COL18A1: variants seen among roughly 807,000 people sequenced by gnomAD.
COL18A1 encodes collagen alpha-1(XVIII) chain.
In COL18A1, 133 loss-of-function variants were observed where a neutral mutation model predicts 168.0. The observed-to-expected ratio is 0.79, with a 90% CI of 0.69 to 0.91. COL18A1 has a LOEUF of 0.91. Among genes scored for constraint, COL18A1 ranks in the 40% least tolerant of loss-of-function variants. The pLI is 0.00. For synonymous variants in COL18A1, 949 were observed against 809.0 expected, an observed-to-expected ratio of 1.17 and a Z score of -2.94; for missense variants, 2,126 against 1,925.4, an observed-to-expected ratio of 1.10 and a Z score of -1.95.
chr21:45,468,744 C>G lies in COL18A1; in HGVS notation c.609C>G (p.Leu203=). Residue 203 remains leucine (L), a synonymous_variant, in exon 3 of 42, where the codon CTC becomes CTG. Coordinates refer to ENST00000651438, the MANE Select transcript of COL18A1 (RefSeq NM_001379500.1). ...RGLELEPGAG[L]FVAQAGGADP... ...TGGAGCTGGAGCCTGGCGCCGGGCT[C>G]TTCGTGGCTCAGGCGGGGGGAGCGG... is the stretch of plus-strand genomic sequence containing the variant. The G allele has an allele frequency of 6.2e-7, 1 of 1,609,370 alleles. No homozygotes were observed. Among genetic ancestry groups the G allele is most frequent in the Non-Finnish European group, 8.5e-7 (1 of 1,179,754 alleles).
rs1491102714 is a variant in COL18A1 at position 45,496,079 on chromosome 21, CCA to C, written c.2509-420_2509-419del. On this transcript the variant is annotated intron_variant, in intron 29 of 41. Coordinates refer to ENST00000651438, the MANE Select transcript of COL18A1 (RefSeq NM_001379500.1). ...CATCCATGGGCCTGGGCCATGCCCT[CCA>C]TGCCCTCTATGCCCTCCATGCCCTC... 187 of 255,352 alleles carry C rather than the reference CCA, an allele frequency of 7.3e-4. 1 individual carries two copies. The highest frequency in any genetic ancestry group is 4.7e-3 in the African/African-American group (175 of 37,430). The allele number at this position is 255,352 out of a possible 1,614,324, so 15.8% of individuals were successfully genotyped here.
At chr21:45,501,808 A>C (rs544098674) in intron 32 of COL18A1, among the ~76,000 whole-genome samples, 2 of 54,886 alleles carry the variant, frequency 3.6e-5, no homozygotes, top group Non-Finnish European at 4.2e-5. Context: ...CTCTCTCTGC[A>C]GAAGGACCCC....
intron 36 of COL18A1, 139 bp from the exon 37 acceptor site, chr21:45,505,699 T>A: frequency 1.3e-6 from 1 of 743,914 alleles, no homozygotes; most frequent in Non-Finnish European, 2.3e-6. Flanking sequence ...ATGGTGCTCA[T>A]GGGGGCAGCC....
intron 2 of COL18A1, among the ~76,000 whole-genome samples, chr21:45,429,164 T>G (rs1392546950): frequency 6.6e-6 from 1 of 151,982 alleles, no homozygotes; most frequent in East Asian, 1.9e-4. Context: ...GCCTCCCAAA[T>G]TGTTGGGATT....
chr21:45,458,180 G>A (rs1260820335), intron 2 of COL18A1, among the ~76,000 whole-genome samples: 1 of 151,246 alleles, frequency 6.6e-6, no homozygotes, highest in Non-Finnish European at 1.5e-5. Flanking sequence ...CGCTGGGGGG[G>A]CCTGGTGTGT....
At chr21:45,456,037 G>A in intron 2 of COL18A1, 1 of 1,608,832 alleles carries the variant, frequency 6.2e-7, no homozygotes. Flanking sequence ...CCACTCTCTG[G>A]CCCAGCCGTG....
chr21:45,456,132 C>T, intron 2 of COL18A1: 2 of 1,583,806 alleles, frequency 1.3e-6, no homozygotes, highest in South Asian at 1.1e-5. Flanking sequence ...CTGGGCAGGC[C>T]CTGGGCACCA....
Position 45,490,378 on chromosome 21 carries a change from G to C in COL18A1, c.2031+32G>C, listed in dbSNP as rs774583104. 11 of 1,518,202 alleles carry C rather than the reference G, an allele frequency of 7.2e-6. No individual in the cohort carries two copies. In the South Asian group the frequency reaches 1.1e-4, roughly 15 times the overall value. The allele number at this position is 1,518,202 out of a possible 1,614,324, so 94.0% of individuals were successfully genotyped here. On this transcript the variant is annotated intron_variant, in intron 20 of 41. Transcript: ENST00000651438. ...TGCCTTGGTGGGCCCAGGGTGCAGG[G>C]GGGGCGTGGAGCCCTGAAGGGACTA...
chr21:45,469,263 C>T lies in COL18A1; in HGVS notation c.651+477C>T, dbSNP rs77103716. Among the ~76,000 whole-genome samples the T allele has an allele frequency of 3.6e-3, 546 of 152,364 alleles. 1 individual carries two copies. Among genetic ancestry groups the T allele is most frequent in the African/African-American group, 0.013 (529 of 41,584 alleles). On this transcript the variant is annotated intron_variant, in intron 3 of 41. Transcript: ENST00000651438. ...GGGACCGAGTCCAGGCCCAGCCACA[C>T]GCCTCGTGGCCCCATGCAGAATGAA...
intron 39 of COL18A1, 76 bp downstream of exon 39, chr21:45,509,677 G>GCAGAGCTGCTGGGGGTCC (rs1304105776): frequency 5.9e-6 from 5 of 850,030 alleles, no homozygotes; most frequent in Non-Finnish European, 9.6e-6. Flanking sequence ...CCCAGCCCCT[G>GCAGAGCTGCTGGGGGTCC]CAGAGCTGCT....
intron 2 of COL18A1, among the ~76,000 whole-genome samples, chr21:45,438,582 TG>T (rs2034284839): frequency 6.6e-6 from 1 of 152,142 alleles, no homozygotes; most frequent in African/African-American, 2.4e-5. Flanking sequence ...GCAGGGCTGG[TG>T]TTCAGGGCAG....
intron 14 of COL18A1, chr21:45,482,279 A>G (rs1183706392): frequency 7.7e-6 from 5 of 650,658 alleles, no homozygotes; most frequent in Non-Finnish European, 1.1e-5. Context: ...GAGATCTGAG[A>G]TCTTACTCCA....
At chr21:45,484,429 A>C (rs1305660135) in intron 15 of COL18A1, among the ~76,000 whole-genome samples, 1 of 117,248 alleles carries the variant, frequency 8.5e-6, no homozygotes, top group African/African-American at 3.5e-5. Flanking sequence ...AGCATATGTG[A>C]GCACACACAC....
chr21:45,483,952 T>A (rs1167259254), intron 15 of COL18A1, among the ~76,000 whole-genome samples: 3 of 139,458 alleles, frequency 2.2e-5, no homozygotes, highest in African/African-American at 8.3e-5. Context: ...CTCTCCAGCA[T>A]ATGTACACAT....
chr21:45,480,421 G>GC, intron 11 of COL18A1, 46 bp from the exon 12 acceptor site: 1 of 1,613,848 alleles, frequency 6.2e-7, no homozygotes, highest in Non-Finnish European at 8.5e-7. Flanking sequence ...AGGCCAGGCG[G>GC]GGGGCCGAGC....
chr21:45,406,204 G>A (rs561491694), intron 2 of COL18A1, among the ~76,000 whole-genome samples: 148 of 152,250 alleles, frequency 9.7e-4, no homozygotes, highest in Non-Finnish European at 8.8e-4. Flanking sequence ...GCAGAGGCCC[G>A]GGGGAGGCGG....
intron 6 of COL18A1, 79 bp downstream of exon 6, chr21:45,476,559 G>A (rs2035663653): frequency 6.6e-7 from 1 of 1,505,060 alleles, no homozygotes; most frequent in South Asian, 1.2e-5. Context: ...TGATGGTGAG[G>A]TATGTGTGTG....
chr21:45,462,328 A>G (rs1190066019), intron 2 of COL18A1, among the ~76,000 whole-genome samples: 1 of 152,184 alleles, frequency 6.6e-6, no homozygotes, highest in Non-Finnish European at 1.5e-5. Context: ...GCTTTCAGCC[A>G]TTATTTCTTC....
intron 40 of COL18A1, among the ~76,000 whole-genome samples, chr21:45,510,860 C>G (rs2037535462): frequency 6.6e-6 from 1 of 152,044 alleles, no homozygotes; most frequent in South Asian, 2.1e-4. Flanking sequence ...GCAGAGGCTG[C>G]CTGGCCAGGC....
Sources: allele counts gnomAD v4.1 joint callset (sites outside exome capture counted in the v4.1 genomes callset), GRCh38; gene constraint gnomAD v4.1.1; transcripts MANE v1.5; gene names NCBI Gene and HGNC (gene_info 2026-07-23, HGNC 2026-07-21).